The following RNF212B variants were observed in gnomAD, a reference collection of about 807,000 sequenced individuals.
RNF212B encodes the protein E3 ubiquitin-protein ligase RNF212B.
A neutral mutation model predicts 55.5 loss-of-function variants in RNF212B; 52 were observed. That is an observed-to-expected ratio of 0.94 (90% CI 0.75 to 1.18). RNF212B has a LOEUF of 1.18. RNF212B is among the 50% of genes most tolerant of loss of function. The pLI is 0.00. For missense variants in RNF212B, 289 were observed against 350.4 expected (o/e 0.82, Z 1.40); for synonymous variants, 99 against 121.4 (o/e 0.82, Z 1.21).
chr14:23,248,338 G>A (rs1232486106), intron 4 of RNF212B, among the ~76,000 whole-genome samples: 1 of 148,454 alleles, frequency 6.7e-6, no homozygotes, highest in Non-Finnish European at 1.5e-5. Context: ...GTTTTACCAT[G>A]TTGCCCAGGT....
Position 23,215,194 on chromosome 14 carries a change from G to T in RNF212B, c.-2+21793G>T, listed in dbSNP as rs1005584988. 2.0e-5 allele frequency among the ~76,000 whole-genome samples: 3 copies of T among 151,912 alleles called. No individual in the cohort carries two copies. The East Asian group carries it at 5.8e-4, about 29-fold the overall frequency. On this transcript the variant is annotated intron_variant, in intron 2 of 15. Coordinates refer to the RNF212B transcript ENST00000399910. ...GTTTGGCAGTTCCCCCCACCCCTCTGCCTCTCCTGTTGTCATGTAAGGTGT... is the reference window on the plus strand; with the variant it reads ...GTTTGGCAGTTCCCCCCACCCCTCTTCCTCTCCTGTTGTCATGTAAGGTGT...
intron 2 of RNF212B, among the ~76,000 whole-genome samples, chr14:23,202,447 T>A (rs1394692481): frequency 6.6e-6 from 1 of 152,190 alleles, no homozygotes; most frequent in African/African-American, 2.4e-5. Context: ...TCCGTGATAG[T>A]CCCTGGGCCT....
In RNF212B at chr14:23,259,964, CTTA is replaced by C. The variant is rs1183808063; in HGVS notation, c.405+29_405+31del. On this transcript the variant is annotated intron_variant, in intron 6 of 14. Transcript: ENST00000430154. The stretch of plus-strand genomic sequence containing the variant: ...CTAAAGGTGAATGAAATAGATTTTC[CTTA>C]TTATTATTTTCTCTCTTACTTTTCT... The C allele has an allele frequency of 3.1e-6, 4 of 1,291,674 alleles. No homozygotes were observed. Among genetic ancestry groups the C allele is most frequent in the Admixed American group, 2.6e-5 (1 of 39,146 alleles). The allele number at this position is 1,291,674 out of a possible 1,614,324, so 80.0% of individuals were successfully genotyped here. A position where few individuals can be genotyped will look rare whatever the true frequency, so the allele number is the denominator to read the frequency against.
intron 2 of RNF212B, among the ~76,000 whole-genome samples, chr14:23,196,315 T>C (rs1392664036): frequency 6.6e-6 from 1 of 152,186 alleles, no homozygotes; most frequent in Non-Finnish European, 1.5e-5. Flanking sequence ...GCCATTATCA[T>C]GCCAAAATGC....
chr14:23,215,312 T>A (rs1430480577), intron 2 of RNF212B, among the ~76,000 whole-genome samples: 2 of 152,210 alleles, frequency 1.3e-5, no homozygotes, highest in Admixed American at 6.5e-5. Context: ...TCTCTTTTCT[T>A]TATAAATTTC....
chr14:23,260,811 G>A, intron 7 of RNF212B, 124 bp downstream of exon 7: 1 of 868,448 alleles, frequency 1.2e-6, no homozygotes, highest in Non-Finnish European at 1.8e-6. Context: ...ACTTCTCCGA[G>A]GAAGAGTTAG....
chr14:23,262,238 AG>A (rs1251798728), intron 7 of RNF212B, among the ~76,000 whole-genome samples: 2 of 152,030 alleles, frequency 1.3e-5, no homozygotes, highest in Non-Finnish European at 2.9e-5. Context: ...CTCAGGATCT[AG>A]GAAATATAGA....
At chr14:23,257,326 G>A (rs7157342) in intron 4 of RNF212B, among the ~76,000 whole-genome samples, 60,519 of 151,814 alleles carry the variant, frequency 0.4, 12,152 homozygotes, top group East Asian at 0.42. Context: ...CTGGCTTAAA[G>A]TAAACATTTT....
chr14:23,265,222 G>C lies in RNF212B; in HGVS notation c.634+551G>C, dbSNP rs369980012. On this transcript the variant is annotated intron_variant, in intron 11 of 14. Transcript: ENST00000430154. ...ATTGAAAACCTCTGGTCAGGAGATG[G>C]AGGATAACTTTTCAGTAAAATTGAC... 6.6e-5 allele frequency among the ~76,000 whole-genome samples: 10 copies of C among 152,280 alleles called. No individual in the cohort carries two copies. In the South Asian group the frequency reaches 2.1e-3, roughly 32 times the overall value.
chr14:23,198,582 G>A (rs953379757), intron 2 of RNF212B, among the ~76,000 whole-genome samples: 2 of 151,940 alleles, frequency 1.3e-5, no homozygotes, highest in African/African-American at 4.8e-5. Flanking sequence ...AAGCTGAAGC[G>A]GGAGAATCAC....
intron 4 of RNF212B, among the ~76,000 whole-genome samples, chr14:23,250,293 A>C (rs1884307963): frequency 6.6e-6 from 1 of 152,066 alleles, no homozygotes; most frequent in Admixed American, 6.6e-5. Context: ...AGCCTGGCCA[A>C]TATGGTAAAA....
intron 4 of RNF212B, among the ~76,000 whole-genome samples, chr14:23,249,435 C>T (rs1323759210): frequency 6.6e-6 from 1 of 152,186 alleles, no homozygotes; most frequent in Non-Finnish European, 1.5e-5. Context: ...AGTCCAGCTA[C>T]TCAGGAGGCT....
At chr14:23,213,687 C>CAG (rs369504170) in intron 2 of RNF212B, among the ~76,000 whole-genome samples, 12,990 of 151,950 alleles carry the variant, frequency 0.085, 1,437 homozygotes, top group African/African-American at 0.26. Context: ...GAACTGTGTG[C>CAG]TCTACCTAAA....
chr14:23,270,787 A>C, intron 14 of RNF212B, 126 bp downstream of exon 14: 1 of 665,678 alleles, frequency 1.5e-6, no homozygotes, highest in South Asian at 1.6e-5. Context: ...TCTGGTAACT[A>C]TATGTTCACA....
At chr14:23,251,130 G>A (rs993752527) in intron 4 of RNF212B, among the ~76,000 whole-genome samples, 1 of 152,154 alleles carries the variant, frequency 6.6e-6, no homozygotes, top group Non-Finnish European at 1.5e-5. Context: ...CTGACGTAAA[G>A]TGTTCAGTAA....
intron 1 of RNF212B, among the ~76,000 whole-genome samples, chr14:23,189,229 T>C (rs1835925451): frequency 6.6e-6 from 1 of 152,100 alleles, no homozygotes; most frequent in South Asian, 2.1e-4. Flanking sequence ...ATGGAGAAAA[T>C]GGGAATAGGC....
chr14:23,214,425 T>G (rs192804119), intron 2 of RNF212B, among the ~76,000 whole-genome samples: 66 of 151,990 alleles, frequency 4.3e-4, no homozygotes, highest in African/African-American at 1.3e-3. Flanking sequence ...ACCCAGGAGG[T>G]GGAGGTTGCG....
intron 2 of RNF212B, among the ~76,000 whole-genome samples, chr14:23,221,421 G>A (rs1425882795): frequency 6.6e-6 from 1 of 152,126 alleles, no homozygotes; most frequent in Non-Finnish European, 1.5e-5. Flanking sequence ...TGATAAAGGG[G>A]TCAATTCAGC....
In RNF212B at chr14:23,253,271, T is replaced by TC. The variant is rs533995904; in HGVS notation, c.229-5275dup. Among the ~76,000 whole-genome samples, 57 of 152,358 alleles carry TC rather than the reference T, an allele frequency of 3.7e-4. No homozygotes were observed. In the South Asian group the frequency reaches 0.012, roughly 31 times the overall value. On this transcript the variant is annotated intron_variant, in intron 4 of 14. Coordinates refer to ENST00000430154, the MANE Select transcript of RNF212B (RefSeq NM_001282322.3). ...TCCAGTTGTCTCAGTTTTAAAATGT[T>TC]CCCACATTTTGAATTGAGTTTCAAT...
Sources: gnomAD v4.1 joint callset for allele counts (sites outside exome capture counted in the v4.1 genomes callset) on GRCh38, gnomAD v4.1.1 for gene constraint, MANE v1.5 for transcripts, NCBI Gene and HGNC (gene_info 2026-07-23, HGNC 2026-07-21) for gene names.